The following SLC12A6 variants were observed in gnomAD, a reference collection of about 807,000 sequenced individuals.
SLC12A6 encodes K-Cl cotransporter 3.
Under a neutral mutation model 135.3 loss-of-function variants are expected in SLC12A6, and 66 were observed. The observed-to-expected ratio is 0.49, with a 90% CI of 0.40 to 0.60. The LOEUF (loss-of-function observed/expected upper bound fraction) is 0.60, where lower values mean the gene tolerates loss of function less well. SLC12A6 is among the 20% of genes least tolerant of loss of function. The pLI is 0.00. For synonymous variants in SLC12A6, 513 were observed against 508.8 expected, an observed-to-expected ratio of 1.01 and a Z score of -0.11; for missense variants, 1,058 against 1,452.3, an observed-to-expected ratio of 0.73 and a Z score of 4.41.
At chr15:34,238,540 C>T (rs1012966206) in intron 20 of SLC12A6, 139 bp from the exon 21 acceptor site, 10 of 715,708 alleles carry the variant, frequency 1.4e-5, no homozygotes, top group East Asian at 5.4e-5. Context: ...TTTCTCATTA[C>T]GTATCAAAAA....
Position 34,257,802 on chromosome 15 carries a change from C to G in SLC12A6, c.544-14G>C. ...CATTTGGGGGGTCTAGAAAGAAAGACATTGATAAAAAATCACACAGTTATC... is the reference window on the plus strand; with the variant it reads ...CATTTGGGGGGTCTAGAAAGAAAGAGATTGATAAAAAATCACACAGTTATC... On this transcript the variant is annotated splice_polypyrimidine_tract_variant and intron_variant, in intron 5 of 25. Transcript: ENST00000354181. The G allele has an allele frequency of 6.3e-7, 1 of 1,582,204 alleles. No individual in the cohort carries two copies. The highest frequency in any genetic ancestry group is 8.7e-7 in the Non-Finnish European group (1 of 1,152,150).
chr15:34,290,020 C>T lies in SLC12A6; in HGVS notation c.272-14631G>A, dbSNP rs888849888. 2.0e-5 allele frequency among the ~76,000 whole-genome samples: 3 copies of T among 152,156 alleles called. No homozygotes were observed. The East Asian group carries it at 5.8e-4, about 29-fold the overall frequency. ...GTAACTATTTCTTGCCTTCTGCTAG[C>T]TTTTGAATTTGTCTGCTCTTGCTTC... On this transcript the variant is annotated intron_variant, in intron 2 of 25. Transcript: ENST00000354181.
rs572611561 is a variant in SLC12A6 at position 34,333,232 on chromosome 15, CT to C, written c.271+3177del. 7.9e-3 allele frequency among the ~76,000 whole-genome samples: 1,054 copies of C among 133,442 alleles called. 8 individuals carry two copies. Among genetic ancestry groups the C allele is most frequent in the African/African-American group, 0.025 (894 of 35,228 alleles). 87.5% of individuals were successfully genotyped at this position (133,442 alleles called of 152,430 possible). On this transcript the variant is annotated intron_variant, in intron 2 of 25. Coordinates refer to ENST00000354181, the MANE Select transcript of SLC12A6 (RefSeq NM_001365088.1). Reference sequence around the variant, plus strand: ...TTCCACTCTATTTTTTTTTCTTTTTCTTTTTTTTTTTTTTTGAGACAGAGTC... The same window carrying C: ...TTCCACTCTATTTTTTTTTCTTTTTCTTTTTTTTTTTTTTGAGACAGAGTC...
chr15:34,251,449 A>G (rs551625634), intron 10 of SLC12A6, among the ~76,000 whole-genome samples: 1 of 152,182 alleles, frequency 6.6e-6, no homozygotes, highest in South Asian at 2.1e-4. Flanking sequence ...AGGTTTCACC[A>G]TGTTAGCCAG....
chr15:34,298,013 T>C (rs1307237758), intron 2 of SLC12A6, among the ~76,000 whole-genome samples: 1 of 152,170 alleles, frequency 6.6e-6, no homozygotes, highest in Non-Finnish European at 1.5e-5. Flanking sequence ...GTAGTAGTTA[T>C]TAATATTAAT....
At chr15:34,325,858 A>G (rs1445277591) in intron 2 of SLC12A6, among the ~76,000 whole-genome samples, 1 of 152,204 alleles carries the variant, frequency 6.6e-6, no homozygotes, top group Non-Finnish European at 1.5e-5. Context: ...CAGTCTTATT[A>G]TCCAAATTAA....
intron 16 of SLC12A6, among the ~76,000 whole-genome samples, chr15:34,242,678 T>C (rs1052961244): frequency 2.0e-5 from 3 of 152,170 alleles, no homozygotes; most frequent in Non-Finnish European, 4.4e-5. Context: ...AAATTTCATA[T>C]AAATATTTCT....
intron 2 of SLC12A6, among the ~76,000 whole-genome samples, chr15:34,293,286 T>A (rs578245004): frequency 6.6e-6 from 1 of 152,226 alleles, no homozygotes; most frequent in South Asian, 2.1e-4. Flanking sequence ...TCAGGACTGA[T>A]AGGTTTTTAT....
intron 2 of SLC12A6, among the ~76,000 whole-genome samples, chr15:34,306,936 C>T (rs1001595901): frequency 1.3e-5 from 2 of 152,040 alleles, no homozygotes; most frequent in African/African-American, 4.8e-5. Context: ...TGTATGATTA[C>T]ATTTATATAA....
At chr15:34,244,807 T>G (rs1891874324) in intron 15 of SLC12A6, among the ~76,000 whole-genome samples, 1 of 152,236 alleles carries the variant, frequency 6.6e-6, no homozygotes, top group Non-Finnish European at 1.5e-5. Flanking sequence ...TTCCATCTGT[T>G]TAGATGCCTT....
chr15:34,230,115 C>G lies in SLC12A6; in HGVS notation c.*3766G>C. 3.2e-6 allele frequency: 1 copy of G among 316,448 alleles called. No homozygotes were observed. Among genetic ancestry groups the G allele is most frequent in the Admixed American group, 4.8e-5 (1 of 20,912 alleles). 19.6% of individuals were successfully genotyped at this position (316,448 alleles called of 1,614,324 possible). ...TAAATCAAGAACTGTTGCAGCATCTCCTTTCAATAAATTAAATGGTTGAGA... is the reference window on the plus strand; with the variant it reads ...TAAATCAAGAACTGTTGCAGCATCTGCTTTCAATAAATTAAATGGTTGAGA... On this transcript the variant is annotated 3_prime_UTR_variant, in exon 26 of 26. Coordinates refer to ENST00000354181, the MANE Select transcript of SLC12A6 (RefSeq NM_001365088.1).
intron 2 of SLC12A6, among the ~76,000 whole-genome samples, chr15:34,309,980 A>G (rs1206159726): frequency 6.6e-6 from 1 of 152,034 alleles, no homozygotes; most frequent in Non-Finnish European, 1.5e-5. Context: ...ATCTATTTTA[A>G]TGTTAGTGAA....
Position 34,265,419 on chromosome 15 carries a change from AC to A in SLC12A6, c.317-4400del, listed in dbSNP as rs1893441612. Among the ~76,000 whole-genome samples the A allele has an allele frequency of 7.3e-3, 1,107 of 151,010 alleles. 20 individuals are homozygous for A. The highest frequency in any genetic ancestry group is 0.026 in the African/African-American group (1,047 of 40,662). ...ACAGCAATTAAAAAAAAAAAAACAA[AC>A]AAAAAAGACAAAATAAAAACAAAAA... On this transcript the variant is annotated intron_variant, in intron 3 of 25. Coordinates refer to ENST00000354181, the MANE Select transcript of SLC12A6 (RefSeq NM_001365088.1).
chr15:34,321,798 A>G (rs138947153), intron 2 of SLC12A6, among the ~76,000 whole-genome samples: 1,799 of 152,352 alleles, frequency 0.012, 14 homozygotes, highest in Middle Eastern at 0.037. Flanking sequence ...AATAAACTAG[A>G]TATGTTCAAC....
intron 10 of SLC12A6, 87 bp from the exon 11 acceptor site, chr15:34,251,144 C>G: frequency 2.0e-6 from 2 of 1,007,638 alleles, no homozygotes; most frequent in Non-Finnish European, 3.1e-6. Flanking sequence ...CAAAATCAGG[C>G]TCCTCATTTA....
rs1175124414 is a variant in SLC12A6, at chr15:34,308,649, A to AC, written c.271+27760_271+27761insG. On this transcript the variant is annotated intron_variant, in intron 2 of 25. Coordinates refer to ENST00000354181, the MANE Select transcript of SLC12A6 (RefSeq NM_001365088.1). ...ACCTGACAAAAAAAAAAAAAAAAAAAAAACAAACCAGATTGTTGGATTAAG... is the reference window on the plus strand; with the variant it reads ...ACCTGACAAAAAAAAAAAAAAAAAAACAAACAAACCAGATTGTTGGATTAAG... 4.0e-5 allele frequency among the ~76,000 whole-genome samples: 6 copies of AC among 148,288 alleles called. No individual in the cohort carries two copies. The East Asian group carries it at 7.7e-4, about 19-fold the overall frequency.
At chr15:34,302,951 C>A (rs1896356453) in intron 2 of SLC12A6, among the ~76,000 whole-genome samples, 1 of 123,236 alleles carries the variant, frequency 8.1e-6, no homozygotes, top group Non-Finnish European at 1.6e-5. Context: ...AAGGGAGACC[C>A]TGTCTCAAAA....
intron 2 of SLC12A6, among the ~76,000 whole-genome samples, chr15:34,324,013 G>A (rs1410480388): frequency 6.6e-6 from 1 of 151,242 alleles, no homozygotes; most frequent in Non-Finnish European, 1.5e-5. Context: ...AATCATTTTG[G>A]AAAAAGTTCC....
Position 34,233,841 on chromosome 15 carries a change from C to CT in SLC12A6, c.*39dup. 9.0e-7 allele frequency: 1 copy of CT among 1,109,724 alleles called. No homozygotes were observed. The highest frequency in any genetic ancestry group is 1.4e-6 in the Non-Finnish European group (1 of 719,120). 68.7% of individuals were successfully genotyped at this position (1,109,724 alleles called of 1,614,324 possible). On this transcript the variant is annotated 3_prime_UTR_variant, in exon 26 of 26. Coordinates refer to ENST00000354181, the MANE Select transcript of SLC12A6 (RefSeq NM_001365088.1). ...TGGCACTTCCATGGAGGACGTAGGC[C>CT]TTTTAAGAAAACAGGTCAAGCACGG... is the stretch of plus-strand genomic sequence containing the variant.
Sources: gnomAD v4.1 joint callset for allele counts (sites outside exome capture counted in the v4.1 genomes callset) on GRCh38, gnomAD v4.1.1 for gene constraint, MANE v1.5 for transcripts, NCBI Gene and HGNC (gene_info 2026-07-23, HGNC 2026-07-21) for gene names.